THAP8: variants seen among roughly 807,000 people sequenced by gnomAD.
THAP8 encodes THAP domain containing 8, also known as THAP domain-containing protein 8.
THAP8 carries 24 observed loss-of-function variants against 25.0 expected under a neutral mutation model. That is an observed-to-expected ratio of 0.96 (90% CI 0.69 to 1.35). The LOEUF (loss-of-function observed/expected upper bound fraction) is 1.35. THAP8 is among the 40% of genes most tolerant of loss of function. The pLI is 0.00. For synonymous variants in THAP8, 169 were observed against 157.6 expected, an observed-to-expected ratio of 1.07 and a Z score of -0.54; for missense variants, 399 against 368.8, an observed-to-expected ratio of 1.08 and a Z score of -0.67.
chr19:36,037,378 A>C (rs961205607), intron 3 of THAP8, among the ~76,000 whole-genome samples: 2 of 149,992 alleles, frequency 1.3e-5, no homozygotes, highest in Non-Finnish European at 3.0e-5. Context: ...ACACACACAC[A>C]CACCCAGCAG....
Position 36,035,503 on chromosome 19 carries a change from G to A in THAP8, c.762C>T (p.Asp254=). 6.2e-7 allele frequency: 1 copy of A among 1,614,202 alleles called. No homozygotes were observed. The highest frequency in any genetic ancestry group is 8.5e-7 in the Non-Finnish European group (1 of 1,180,042). ...GPDIAMVLAQ[D]PAPATVDAKP... ...TGGCATCCACTGTGGCAGGTGCAGG[G>A]TCCTGGGCAAGGACCATGGCTATGT... The change falls in exon 4 of 4, where the codon GAC becomes GAT. Residue 254 remains aspartate (D), a synonymous_variant. Coordinates refer to ENST00000292894, the MANE Select transcript of THAP8 (RefSeq NM_152658.3).
chr19:36,054,064 A>G, intron 1 of THAP8, 71 bp downstream of exon 1: 1 of 1,525,784 alleles, frequency 6.6e-7, no homozygotes, highest in East Asian at 2.4e-5. Context: ...CCCGCACAGC[A>G]GCACTAATGC....
chr19:36,040,683 C>T (rs1419590079), intron 1 of THAP8, among the ~76,000 whole-genome samples: 1 of 152,008 alleles, frequency 6.6e-6, no homozygotes, highest in Non-Finnish European at 1.5e-5. Flanking sequence ...CAGCATCAGC[C>T]CACCTCTGCC....
chr19:36,049,287 C>A (rs556516995), intron 1 of THAP8, among the ~76,000 whole-genome samples: 1 of 151,932 alleles, frequency 6.6e-6, no homozygotes, highest in Non-Finnish European at 1.5e-5. Flanking sequence ...ACTGCTTGAG[C>A]CTGGGAGGCT....
chr19:36,049,052 C>G (rs1328396877), intron 1 of THAP8, among the ~76,000 whole-genome samples: 1 of 151,916 alleles, frequency 6.6e-6, no homozygotes, highest in Admixed American at 6.6e-5. Context: ...CCCATTGCCA[C>G]TGTCCCTGAA....
chr19:36,051,109 CAGAG>C (rs1189200213), intron 1 of THAP8, among the ~76,000 whole-genome samples: 5 of 152,116 alleles, frequency 3.3e-5, no homozygotes, highest in South Asian at 2.1e-4. Flanking sequence ...AAGCAGGAGA[CAGAG>C]AGAATCGTGT....
At chr19:36,041,698 C>T (rs1475064916) in intron 1 of THAP8, among the ~76,000 whole-genome samples, 1 of 152,196 alleles carries the variant, frequency 6.6e-6, no homozygotes, top group East Asian at 1.9e-4. Context: ...TGAAAAGATA[C>T]TTGACATCTC....
intron 3 of THAP8, 84 bp from the exon 4 acceptor site, chr19:36,035,676 G>A: frequency 2.0e-6 from 3 of 1,500,458 alleles, no homozygotes; most frequent in South Asian, 1.3e-5. Context: ...GGAACAGGGA[G>A]GCAAAGGTGG....
At chr19:36,054,359 G>A (rs1045775003), upstream of THAP8, 4 of 1,011,220 alleles carry the variant, frequency 4.0e-6, no homozygotes, top group Non-Finnish European at 1.5e-6. Context: ...CGGGGAGAGA[G>A]CTGAGAGCGC....
At chr19:36,054,748 A>G, upstream of THAP8, 2 of 612,872 alleles carry the variant, frequency 3.3e-6, no homozygotes, top group Non-Finnish European at 2.9e-6. Context: ...TCAGGCATCC[A>G]GTACACTGGC....
rs934105192 is a variant in THAP8 at position 36,039,190 on chromosome 19, C to T, written c.672+133G>A. The T allele has an allele frequency of 1.3e-5, 17 of 1,307,452 alleles. No individual in the cohort carries two copies. In the Admixed American group the frequency reaches 1.8e-4, roughly 14 times the overall value. The allele number at this position is 1,307,452 out of a possible 1,614,324, so 81.0% of individuals were successfully genotyped here. The stretch of plus-strand genomic sequence containing the variant: ...GATTACAGGCGTGAGCCACTGAGCC[C>T]GGGAAAGCCAGAAATTTGGAAACAC... On this transcript the variant is annotated intron_variant, in intron 3 of 3. Coordinates refer to ENST00000292894, the MANE Select transcript of THAP8 (RefSeq NM_152658.3).
At chr19:36,044,885 A>G (rs1424141729) in intron 1 of THAP8, among the ~76,000 whole-genome samples, 1 of 152,190 alleles carries the variant, frequency 6.6e-6, no homozygotes, top group African/African-American at 2.4e-5. Context: ...AGGCACATCC[A>G]CACAAAAGAA....
chr19:36,054,155 G>C lies in THAP8; in HGVS notation c.63C>G (p.Asn21Lys), dbSNP rs1455910795. 1 of 1,614,042 alleles carries C rather than the reference G, an allele frequency of 6.2e-7. No individual in the cohort carries two copies. The highest frequency in any genetic ancestry group is 1.7e-5 in the Admixed American group (1 of 60,016). Residue 21 changes from asparagine (N) to lysine (K), a missense_variant, in exon 1 of 4, where the codon AAC (asparagine) becomes AAG (lysine). Physicochemically the swap from Asn to Lys is moderately conservative, Grantham distance 94. Coordinates refer to ENST00000292894, the MANE Select transcript of THAP8 (RefSeq NM_152658.3). Reference protein sequence around the residue: ...SNTAGRLGADNRPVSFYKFPL... With the variant: ...SNTAGRLGADKRPVSFYKFPL... ...CTCACTTGTAGAAGCTCACAGGGCG[G>C]TTGTCTGCACCCAGGCGGCCCGCAG... is the stretch of plus-strand genomic sequence containing the variant.
At chr19:36,054,483 T>C, upstream of THAP8, 1 of 582,798 alleles carries the variant, frequency 1.7e-6, no homozygotes, top group Non-Finnish European at 3.1e-6. Flanking sequence ...ACCCCGACTT[T>C]CATCACGTGT....
intron 1 of THAP8, among the ~76,000 whole-genome samples, chr19:36,050,032 C>T (rs185552054): frequency 9.9e-5 from 13 of 131,580 alleles, no homozygotes; most frequent in East Asian, 4.2e-4. Flanking sequence ...CCAGCCTGGG[C>T]GGCAGAGCAA....
chr19:36,045,254 A>AT lies in THAP8; in HGVS notation c.84-5119dup, dbSNP rs529187521. Among the ~76,000 whole-genome samples the AT allele has an allele frequency of 1.2e-3, 187 of 151,344 alleles. 1 individual carries two copies. Among genetic ancestry groups the AT allele is most frequent in the African/African-American group, 4.4e-3 (180 of 41,206 alleles). ...AGGCGCCCGCCACCACGTCCGGCTA[A>AT]TTTTTTTGTATATTTATTTATTTAT... is the stretch of plus-strand genomic sequence containing the variant. On this transcript the variant is annotated intron_variant, in intron 1 of 3. Transcript: ENST00000292894.
chr19:36,035,562 A>C lies in THAP8; in HGVS notation c.703T>G (p.Ser235Ala). Residue 235 changes from serine to alanine, a missense_variant, in exon 4 of 4, where the codon TCC (serine) becomes GCC (alanine). Transcript: ENST00000292894. The part of the protein sequence containing the change: ...TTAQTLGPEE[S>A]QTFTIICGGP... ...CCACAGATGATGGTGAAGGTTTGGGATTCCTCAGGTCCAAGGGTCTGGGCT... is the reference window on the plus strand; with the variant it reads ...CCACAGATGATGGTGAAGGTTTGGGCTTCCTCAGGTCCAAGGGTCTGGGCT... The C allele has an allele frequency of 6.2e-7, 1 of 1,614,076 alleles. No individual in the cohort carries two copies. Among genetic ancestry groups the C allele is most frequent in the Non-Finnish European group, 8.5e-7 (1 of 1,179,994 alleles).
chr19:36,043,574 T>C (rs763873961), intron 1 of THAP8, among the ~76,000 whole-genome samples: 7 of 152,150 alleles, frequency 4.6e-5, no homozygotes, highest in Non-Finnish European at 4.4e-5. Flanking sequence ...CAGGTAAAAA[T>C]AATTTTAATA....
chr19:36,041,435 A>G (rs1328514881), intron 1 of THAP8, among the ~76,000 whole-genome samples: 1 of 152,094 alleles, frequency 6.6e-6, no homozygotes, highest in Non-Finnish European at 1.5e-5. Flanking sequence ...GATGTCTGGG[A>G]TTTACTTTAA....
Sources: gnomAD v4.1 joint callset for allele counts (sites outside exome capture counted in the v4.1 genomes callset) on GRCh38, gnomAD v4.1.1 for gene constraint, MANE v1.5 for transcripts, NCBI Gene and HGNC (gene_info 2026-07-23, HGNC 2026-07-21) for gene names.